The following EEFSEC variants were observed in gnomAD, a reference collection of about 807,000 sequenced individuals.
The protein encoded by EEFSEC is selenocysteine-specific elongation factor.
A neutral mutation model predicts 42.1 loss-of-function variants in EEFSEC; 43 were observed. The ratio of observed to expected loss-of-function variants is 1.02; its 90% CI spans 0.80 to 1.32. EEFSEC has a LOEUF of 1.32. Among genes scored for constraint, EEFSEC ranks in the 40% most tolerant of loss-of-function variants. The pLI, the probability that EEFSEC is intolerant of heterozygous loss-of-function variation, is 0.00. For missense variants in EEFSEC, 745 were observed against 803.6 expected, an observed-to-expected ratio of 0.93 and a Z score of 0.88; for synonymous variants, 354 against 339.1, an observed-to-expected ratio of 1.04 and a Z score of -0.48.
downstream of EEFSEC, among the ~76,000 whole-genome samples, chr3:128,411,909 C>T (rs569631985): frequency 6.6e-6 from 1 of 152,360 alleles, no homozygotes; most frequent in East Asian, 1.9e-4. Context: ...CAGGCATCTC[C>T]AAGCCTGTGC....
chr3:128,274,365 G>A (rs1345756076), intron 4 of EEFSEC, among the ~76,000 whole-genome samples: 1 of 152,270 alleles, frequency 6.6e-6, no homozygotes, highest in Non-Finnish European at 1.5e-5. Flanking sequence ...ACGCACGCAT[G>A]TGGGCGCAGT....
intron 4 of EEFSEC, among the ~76,000 whole-genome samples, chr3:128,339,273 C>T (rs577181643): frequency 6.6e-6 from 1 of 152,234 alleles, no homozygotes; most frequent in East Asian, 1.9e-4. Context: ...TTATGGCTCT[C>T]CAGGAAAGGT....
chr3:128,399,604 G>T (rs929731380), intron 6 of EEFSEC, among the ~76,000 whole-genome samples: 2 of 152,128 alleles, frequency 1.3e-5, no homozygotes, highest in African/African-American at 4.8e-5. Flanking sequence ...CCCCCAGCCA[G>T]CGACGTTAAA....
chr3:128,205,947 A>G (rs1243561619), intron 1 of EEFSEC, among the ~76,000 whole-genome samples: 1 of 151,808 alleles, frequency 6.6e-6, no homozygotes. Flanking sequence ...GGGTGTGCCA[A>G]GTGTAGCAAC....
chr3:128,180,630 A>G (rs1459705746), intron 1 of EEFSEC, among the ~76,000 whole-genome samples: 1 of 152,242 alleles, frequency 6.6e-6, no homozygotes, highest in Admixed American at 6.5e-5. Context: ...GTGCAGTGCC[A>G]TTGAGTTGCA....
intron 6 of EEFSEC, among the ~76,000 whole-genome samples, chr3:128,385,917 C>G (rs924264704): frequency 5.9e-5 from 9 of 152,198 alleles, no homozygotes; most frequent in Non-Finnish European, 1.2e-4. Context: ...CAGCAGTTCC[C>G]CAAGTGGGCT....
intron 6 of EEFSEC, among the ~76,000 whole-genome samples, chr3:128,403,328 G>A (rs1462074964): frequency 6.6e-6 from 1 of 152,212 alleles, no homozygotes; most frequent in Non-Finnish European, 1.5e-5. Flanking sequence ...CAGGGGCGGG[G>A]CTGTGAGCCA....
chr3:128,390,779 C>A (rs1183009802), intron 6 of EEFSEC, among the ~76,000 whole-genome samples: 1 of 152,224 alleles, frequency 6.6e-6, no homozygotes, highest in Admixed American at 6.5e-5. Flanking sequence ...ACTCGGGCAC[C>A]CACACAAACA....
At chr3:128,377,535 T>C (rs1020243836) in intron 6 of EEFSEC, among the ~76,000 whole-genome samples, 1 of 152,232 alleles carries the variant, frequency 6.6e-6, no homozygotes, top group Admixed American at 6.5e-5. Flanking sequence ...TAGCAAGAGC[T>C]GTGTTCAGTC....
Position 128,153,622 on chromosome 3 carries a change from C to CAGCCGCAG in EEFSEC, c.122_129dup (p.Glu44ArgfsTer72). The CAGCCGCAG allele has an allele frequency of 6.3e-7, 1 of 1,597,300 alleles. No individual in the cohort carries two copies. Among genetic ancestry groups the CAGCCGCAG allele is most frequent in the South Asian group, 1.1e-5 (1 of 90,062 alleles). ...AGCCTCCACCGCCGCCTTTGACAAG[C>CAGCCGCAG]AGCCGCAGAGCCGCGAGCGCGGCAT... On this transcript the variant is annotated frameshift_variant, in exon 1 of 7. Transcript: ENST00000254730. LOFTEE classifies it high-confidence loss of function.
intron 4 of EEFSEC, among the ~76,000 whole-genome samples, chr3:128,308,234 C>T (rs1162328458): frequency 6.6e-6 from 1 of 152,324 alleles, no homozygotes; most frequent in East Asian, 1.9e-4. Context: ...GCCCAGTGGC[C>T]CAGGTTCCTG....
At chr3:128,421,086 T>A in the EEFSEC span, among the ~76,000 whole-genome samples, 828 of 152,222 alleles carry the variant, frequency 5.4e-3, 9 homozygotes, top group African/African-American at 0.019. Context: ...GCAGGCTTTG[T>A]CCTGTGGCAT....
At chr3:128,157,924 G>A (rs1355709788) in intron 1 of EEFSEC, among the ~76,000 whole-genome samples, 1 of 152,176 alleles carries the variant, frequency 6.6e-6, no homozygotes, top group Non-Finnish European at 1.5e-5. Context: ...TTCCTCTGAT[G>A]GATCTGGACA....
chr3:128,235,108 A>G (rs967285865), intron 1 of EEFSEC, among the ~76,000 whole-genome samples: 1 of 152,032 alleles, frequency 6.6e-6, no homozygotes, highest in Admixed American at 6.6e-5. Flanking sequence ...TCTGTTGCCC[A>G]GGTTGGAGTG....
At chr3:128,160,796 A>G (rs922518322) in intron 1 of EEFSEC, among the ~76,000 whole-genome samples, 1 of 152,102 alleles carries the variant, frequency 6.6e-6, no homozygotes, top group African/African-American at 2.4e-5. Context: ...GTGTGCGCAC[A>G]CACACGCGCG....
intron 1 of EEFSEC, among the ~76,000 whole-genome samples, chr3:128,200,578 G>A (rs754343285): frequency 2.6e-5 from 4 of 152,124 alleles, no homozygotes; most frequent in Admixed American, 6.5e-5. Context: ...ATGAGCCACC[G>A]CGCCCAGCCT....
rs1388233020 is a variant in EEFSEC at position 128,341,902 on chromosome 3, T to C, written c.1443+13T>C. On this transcript the variant is annotated intron_variant, in intron 5 of 6. Coordinates refer to ENST00000254730, the MANE Select transcript of EEFSEC (RefSeq NM_021937.5). Reference sequence around the variant, plus strand: ...CCTTGTGGAGCGGGTGAGCATGCCCTTGCCTGGCCCCACACCCCTTCCCTT... The same window carrying C: ...CCTTGTGGAGCGGGTGAGCATGCCCCTGCCTGGCCCCACACCCCTTCCCTT... The C allele has an allele frequency of 6.2e-7, 1 of 1,606,382 alleles. No homozygotes were observed. The highest frequency in any genetic ancestry group is 8.5e-7 in the Non-Finnish European group (1 of 1,175,696).
chr3:128,387,194 G>C (rs1041815462), intron 6 of EEFSEC, among the ~76,000 whole-genome samples: 1 of 152,180 alleles, frequency 6.6e-6, no homozygotes, highest in African/African-American at 2.4e-5. Context: ...AGGGGTATGG[G>C]AGCCATGGAC....
At chr3:128,246,712 T>A (rs1351562034) in intron 1 of EEFSEC, 124 bp from the exon 2 acceptor site, 1 of 998,106 alleles carries the variant, frequency 1.0e-6, no homozygotes, top group African/African-American at 1.6e-5. Context: ...CCAGAAGCTG[T>A]GTAGTCACCA....
Sources: gnomAD v4.1 joint callset for allele counts (sites outside exome capture counted in the v4.1 genomes callset) on GRCh38, gnomAD v4.1.1 for gene constraint, MANE v1.5 for transcripts, NCBI Gene and HGNC (gene_info 2026-07-23, HGNC 2026-07-21) for gene names.